Variants in IGSF9B observed in about 807,000 individuals in gnomAD.
IGSF9B encodes immunoglobulin superfamily member 9B.
In IGSF9B, 48 loss-of-function variants were observed where a neutral mutation model predicts 143.7. That is an observed-to-expected ratio of 0.33 (90% CI 0.26 to 0.42). The LOEUF (loss-of-function observed/expected upper bound fraction) is 0.42. IGSF9B is among the 20% of genes least tolerant of loss of function. IGSF9B has a pLI of 1.00. For synonymous variants in IGSF9B, 903 were observed against 833.1 expected, an observed-to-expected ratio of 1.08 and a Z score of -1.44; for missense variants, 1,706 against 1,980.0, an observed-to-expected ratio of 0.86 and a Z score of 2.63.
rs537424533 is a variant in IGSF9B at position 133,910,469 on chromosome 11, G to A, written c.4106-1192C>T. On this transcript the variant is annotated intron_variant, in intron 19 of 19. Coordinates refer to ENST00000533871, the MANE Select transcript of IGSF9B (RefSeq NM_001277285.4). ...CTAACAGGCATTACCTAGCGGGCTCGACGTAAGATGTGAAGGCAAGGGAAG... is the reference window on the plus strand; with the variant it reads ...CTAACAGGCATTACCTAGCGGGCTCAACGTAAGATGTGAAGGCAAGGGAAG... Among the ~76,000 whole-genome samples, 4 of 152,292 alleles carry A rather than the reference G, an allele frequency of 2.6e-5. No homozygotes were observed. In the South Asian group the frequency reaches 8.3e-4, roughly 32 times the overall value.
chr11:133,912,946 AG>A (rs1309227224), intron 18 of IGSF9B, among the ~76,000 whole-genome samples: 1 of 152,164 alleles, frequency 6.6e-6, no homozygotes, highest in Non-Finnish European at 1.5e-5. Flanking sequence ...AGCTGAGAGG[AG>A]GGGCAGTCTG....
intron 1 of IGSF9B, among the ~76,000 whole-genome samples, chr11:133,951,489 C>T (rs574632141): frequency 2.8e-4 from 42 of 152,356 alleles, no homozygotes; most frequent in Non-Finnish European, 3.5e-4. Flanking sequence ...GGGGCCGCTC[C>T]GGCCCTGAGC....
Position 133,948,248 on chromosome 11 carries a change from C to T in IGSF9B, c.65-1990G>A, listed in dbSNP as rs913036838. Among the ~76,000 whole-genome samples the T allele has an allele frequency of 2.0e-5, 3 of 152,162 alleles. No homozygotes were observed. Among genetic ancestry groups the T allele is most frequent in the Non-Finnish European group, 2.9e-5 (2 of 68,036 alleles). On this transcript the variant is annotated intron_variant, in intron 1 of 19. Transcript: ENST00000533871. This position sits in a 1 kb window ranked among gnomAD's most constrained non-coding sequence, Gnocchi z 4.7. The stretch of plus-strand genomic sequence containing the variant: ...TGTCTTGTTCTCCCCCTCCCCCTCC[C>T]CTGCAAGTTGCGGAAGAGGGAGGAG...
In IGSF9B at chr11:133,928,294, T is replaced by C. The variant is rs1236875490; in HGVS notation, c.1632-1203A>G. Among the ~76,000 whole-genome samples the C allele has an allele frequency of 6.6e-6, 1 of 152,086 alleles. No homozygotes were observed. The highest frequency in any genetic ancestry group is 1.5e-5 in the Non-Finnish European group (1 of 68,008). Reference sequence around the variant, plus strand: ...AGGCTGGTTAGGGCCCCCACGCTGCTGCGGGAGGAACAGAGTAAGGGGACG... The same window carrying C: ...AGGCTGGTTAGGGCCCCCACGCTGCCGCGGGAGGAACAGAGTAAGGGGACG... On this transcript the variant is annotated intron_variant, in intron 12 of 19. Coordinates refer to ENST00000533871, the MANE Select transcript of IGSF9B (RefSeq NM_001277285.4). This position sits in a 1 kb window ranked among gnomAD's most constrained non-coding sequence, Gnocchi z 4.7.
chr11:133,920,127 G>C lies in IGSF9B; in HGVS notation c.3598C>G (p.Arg1200Gly), dbSNP rs963709613. The change falls in exon 18 of 20, where the codon CGG (arginine) becomes GGG (glycine). Residue 1200 changes from arginine to glycine, a missense_variant. Around this residue, in one of 7 missense-constraint regions of IGSF9B, gnomAD observed 880 missense variants for 762.9 expected, o/e 1.15. Coordinates refer to ENST00000533871, the MANE Select transcript of IGSF9B (RefSeq NM_001277285.4). The part of the protein sequence containing the change: ...SLHQVVLQPS[R>G]LSPLTQSPLS... ...GGGCTTTGGGTCAGAGGTGAGAGCC[G>C]GGAGGGCTGTAGCACCACTTGATGT... 1.3e-6 allele frequency: 2 copies of C among 1,511,248 alleles called. No individual in the cohort carries two copies. The highest frequency in any genetic ancestry group is 2.3e-5 in the Admixed American group (1 of 44,174). 93.6% of individuals were successfully genotyped at this position (1,511,248 alleles called of 1,614,324 possible).
chr11:133,941,516 T>C (rs995080028), intron 3 of IGSF9B, among the ~76,000 whole-genome samples: 2 of 152,240 alleles, frequency 1.3e-5, no homozygotes, highest in Non-Finnish European at 2.9e-5. Flanking sequence ...CTTGGATTCC[T>C]TCCTTCAGTA....
chr11:133,955,926 A>T (rs538569697), intron 1 of IGSF9B, among the ~76,000 whole-genome samples: 2 of 147,682 alleles, frequency 1.4e-5, no homozygotes, highest in African/African-American at 2.5e-5. Context: ...GCCCCCAGCC[A>T]GCTCTGCCTC....
rs1479969404 is a variant in IGSF9B at position 133,904,045 on chromosome 11, C to G, written c.*5024G>C. 2.0e-5 allele frequency among the ~76,000 whole-genome samples: 3 copies of G among 152,150 alleles called. No homozygotes were observed. The highest frequency in any genetic ancestry group is 4.4e-5 in the Non-Finnish European group (3 of 68,032). On this transcript the variant is annotated 3_prime_UTR_variant, in exon 20 of 20. Transcript: ENST00000533871. ...AACTCTTTTGCCCTCCCACCTCCAC[C>G]ACAGACTAGTGACTTTAGCCTATCA...
chr11:133,922,205 T>G lies in IGSF9B; in HGVS notation c.2299A>C (p.Thr767Pro). 6.2e-7 allele frequency: 1 copy of G among 1,612,796 alleles called. No individual in the cohort carries two copies. The highest frequency in any genetic ancestry group is 8.5e-7 in the Non-Finnish European group (1 of 1,179,468). The change falls in exon 17 of 20, where the codon ACC (threonine) becomes CCC (proline). Residue 767 changes from threonine to proline, a missense_variant. Physicochemically the swap from Thr to Pro is conservative, Grantham distance 38. This residue lies in a region of IGSF9B where 135 missense variants were observed against 181.3 expected (regional missense o/e 0.74). Coordinates refer to ENST00000533871, the MANE Select transcript of IGSF9B (RefSeq NM_001277285.4). ...GACTCCAGGCTCTTCCTGCAGTGGG[T>G]GATGGAGAGTGGAGGGTCTGGAAGG... The part of the protein sequence containing the change: ...KRKKDPPLSI[T>P]HCRKSLESPL...
chr11:133,912,840 T>C (rs572377178), intron 18 of IGSF9B, among the ~76,000 whole-genome samples: 126 of 152,286 alleles, frequency 8.3e-4, no homozygotes, highest in African/African-American at 3.0e-3. Context: ...TGCATCCTGA[T>C]TGTCACTTGC....
intron 1 of IGSF9B, among the ~76,000 whole-genome samples, chr11:133,954,892 G>A (rs1482775997): frequency 6.6e-6 from 1 of 152,074 alleles, no homozygotes; most frequent in Admixed American, 6.5e-5. Context: ...TAACCTTCAT[G>A]CCAGGCAGCC....
intron 1 of IGSF9B, among the ~76,000 whole-genome samples, chr11:133,951,174 C>T (rs896691095): frequency 1.3e-5 from 2 of 152,154 alleles, no homozygotes; most frequent in Admixed American, 6.5e-5. Flanking sequence ...AAGGACGAGG[C>T]GGCGGGGGAG....
chr11:133,933,567 G>C (rs775652098), intron 7 of IGSF9B, among the ~76,000 whole-genome samples: 3 of 152,166 alleles, frequency 2.0e-5, no homozygotes, highest in Non-Finnish European at 4.4e-5. Flanking sequence ...GCAATTTAGC[G>C]AGACTCCAAC....
At position 133,928,442 on chromosome 11, in the gene IGSF9B, C is replaced by A. The variant is rs1355810008; in HGVS notation, c.1631+1229G>T. 6.6e-6 allele frequency among the ~76,000 whole-genome samples: 1 copy of A among 152,156 alleles called. No individual in the cohort carries two copies. The highest frequency in any genetic ancestry group is 2.4e-5 in the African/African-American group (1 of 41,434). ...CCATGATGGGAGACAGAGCGGGTGC[C>A]CCTCTCAACTTCCCTCGCTGCTGAG... On this transcript the variant is annotated intron_variant, in intron 12 of 19. Transcript: ENST00000533871. The surrounding 1 kb of genome is among the most constrained non-coding windows in gnomAD (Gnocchi z 4.7).
Position 133,950,406 on chromosome 11 carries a change from C to T in IGSF9B, c.65-4148G>A, listed in dbSNP as rs1271405865. Among the ~76,000 whole-genome samples, 4 of 152,244 alleles carry T rather than the reference C, an allele frequency of 2.6e-5. No homozygotes were observed. In the East Asian group the frequency reaches 7.7e-4, roughly 29 times the overall value. ...CTCAGTCCCTGCCCACAATGGCCTC[C>T]TGACACACGCACCGCTGTCTCCCAT... On this transcript the variant is annotated intron_variant, in intron 1 of 19. Coordinates refer to ENST00000533871, the MANE Select transcript of IGSF9B (RefSeq NM_001277285.4).
rs1210530473 is a variant in IGSF9B at position 133,925,862 on chromosome 11, A to C, written c.1911T>G (p.Pro637=). 2 of 1,613,648 alleles carry C rather than the reference A, an allele frequency of 1.2e-6. No individual in the cohort carries two copies. Among genetic ancestry groups the C allele is most frequent in the Non-Finnish European group, 1.7e-6 (2 of 1,179,810 alleles). ...GGTCGATGGGAAAGCTGTGGTTGGC[A>C]GGCGGAAGCCAGGACAGGAGCACAC... ...QQGVLLSWLP[P]ANHSFPIDRY... Residue 637 remains proline (P), a synonymous_variant, in exon 14 of 20, where the codon CCT becomes CCG. Transcript: ENST00000533871.
chr11:133,932,291 A>G (rs1030793212), intron 7 of IGSF9B, 78 bp from the exon 8 acceptor site: 56 of 1,445,314 alleles, frequency 3.9e-5, no homozygotes, highest in Non-Finnish European at 4.6e-5. Flanking sequence ...ACAGACAGAC[A>G]GACACAGGGA....
intron 18 of IGSF9B, among the ~76,000 whole-genome samples, chr11:133,916,608 C>T (rs950470145): frequency 3.2e-4 from 49 of 152,218 alleles, no homozygotes; most frequent in African/African-American, 1.1e-3. Flanking sequence ...GGTCCCTCAT[C>T]GCTGCCCCTG....
In IGSF9B at chr11:133,908,058, G is replaced by A. The variant is rs745516489; in HGVS notation, c.*1011C>T. Among the ~76,000 whole-genome samples the A allele has an allele frequency of 7.9e-5, 12 of 152,244 alleles. No individual in the cohort carries two copies. Among genetic ancestry groups the A allele is most frequent in the Admixed American group, 1.3e-4 (2 of 15,290 alleles). On this transcript the variant is annotated 3_prime_UTR_variant, in exon 20 of 20. Transcript: ENST00000533871. Reference sequence around the variant, plus strand: ...AGCCGGGGACGGTATAAATAGAGCCGGCAGCTTGGCGCTAGCACAGGTGGC... The same window carrying A: ...AGCCGGGGACGGTATAAATAGAGCCAGCAGCTTGGCGCTAGCACAGGTGGC...
Sources: gnomAD v4.1 joint callset for allele counts (sites outside exome capture counted in the v4.1 genomes callset) on GRCh38, gnomAD v4.1.1 for gene constraint, gnomAD v4.1.1 regional missense constraint, Gnocchi (gnomAD v3.1) non-coding constraint, MANE v1.5 for transcripts, NCBI Gene and HGNC (gene_info 2026-07-23, HGNC 2026-07-21) for gene names.